CPEB2: variants seen among roughly 807,000 people sequenced by gnomAD.
The protein encoded by CPEB2 is cytoplasmic polyadenylation element-binding protein 2.
CPEB2 carries 56 observed loss-of-function variants against 93.6 expected under a neutral mutation model. That is an observed-to-expected ratio of 0.60 (90% confidence interval 0.48 to 0.75). The LOEUF is 0.75. Ranked by LOEUF, CPEB2 falls within the 30% of genes least tolerant of loss-of-function variation. CPEB2 has a pLI of 0.00. For missense variants in CPEB2, 1,579 were observed against 1,395.1 expected (o/e 1.13, Z -2.10); for synonymous variants, 764 against 586.3 (o/e 1.30, Z -4.38).
chr4:15,047,085 A>G (rs1727778730), intron 6 of CPEB2, among the ~76,000 whole-genome samples: 1 of 152,180 alleles, frequency 6.6e-6, no homozygotes, highest in African/African-American at 2.4e-5. Context: ...ACATCAAGTG[A>G]CTGTACATGT....
Sources: gnomAD v4.1 joint callset for allele counts (sites outside exome capture counted in the v4.1 genomes callset) on GRCh38, gnomAD v4.1.1 for gene constraint, MANE v1.5 for transcripts, NCBI Gene and HGNC (gene_info 2026-07-23, HGNC 2026-07-21) for gene names.